The following PRMT8 variants were observed in gnomAD, a reference collection of about 807,000 sequenced individuals.
PRMT8 encodes the protein protein arginine methyltransferase 8.
In PRMT8, 7 loss-of-function variants were observed where a neutral mutation model predicts 47.1. That is an observed-to-expected ratio of 0.15 (90% confidence interval 0.08 to 0.28). The LOEUF is 0.28. PRMT8 is among the 10% of genes least tolerant of loss of function. The probability of loss-of-function intolerance (pLI) is 1.00; values close to 1 mark genes in which losing one functional copy is unlikely to be tolerated. For missense variants in PRMT8, 237 were observed against 505.4 expected, an observed-to-expected ratio of 0.47 and a Z score of 5.09; for synonymous variants, 188 against 186.5, an observed-to-expected ratio of 1.01 and a Z score of -0.07.
chr12:3,535,923 G>T lies in PRMT8; in HGVS notation c.76-4683G>T, dbSNP rs1032747944. 2.6e-5 allele frequency among the ~76,000 whole-genome samples: 4 copies of T among 152,114 alleles called. No individual in the cohort carries two copies. The highest frequency in any genetic ancestry group is 9.7e-5 in the African/African-American group (4 of 41,392). ...CTCTGCTTGCCTGGTGTGGCTTAGG[G>T]AGGAGTTGAGCCTTCTGACTTTACA... On this transcript the variant is annotated intron_variant, in intron 1 of 9. Coordinates refer to ENST00000382622, the MANE Select transcript of PRMT8 (RefSeq NM_019854.5). The surrounding 1 kb of genome is among the most constrained non-coding windows in gnomAD (Gnocchi z 4.7).
chr12:3,547,502 G>T (rs1256211368), intron 2 of PRMT8, among the ~76,000 whole-genome samples: 1 of 152,058 alleles, frequency 6.6e-6, no homozygotes, highest in Non-Finnish European at 1.5e-5. Context: ...ATGGGGCCAG[G>T]CATGGTGGCT....
At chr12:3,473,012 C>T (rs1565416464) in intron 1 of PRMT8, among the ~76,000 whole-genome samples, 1 of 152,168 alleles carries the variant, frequency 6.6e-6, no homozygotes, top group African/African-American at 2.4e-5. Context: ...CCACCTCCAG[C>T]TCTTCCCCAC....
intron 7 of PRMT8, among the ~76,000 whole-genome samples, chr12:3,582,404 C>A (rs1464883140): frequency 6.6e-6 from 1 of 152,184 alleles, no homozygotes; most frequent in Non-Finnish European, 1.5e-5. Context: ...GAAAACAGTC[C>A]AGCCTTGTTA....
chr12:3,408,724 A>G (rs1864397623), intron 1 of PRMT8, among the ~76,000 whole-genome samples: 2 of 152,096 alleles, frequency 1.3e-5, no homozygotes, highest in Non-Finnish European at 2.9e-5. Flanking sequence ...TGGCTTTCAT[A>G]GGGAAAGACT....
At chr12:3,525,937 C>G (rs1242736763) in intron 1 of PRMT8, among the ~76,000 whole-genome samples, 1 of 152,166 alleles carries the variant, frequency 6.6e-6, no homozygotes, top group Non-Finnish European at 1.5e-5. Context: ...TAAGTACATT[C>G]ACATTGCAGT....
At chr12:3,467,649 G>A (rs1440173204) in intron 1 of PRMT8, among the ~76,000 whole-genome samples, 2 of 152,172 alleles carry the variant, frequency 1.3e-5, no homozygotes, top group East Asian at 1.9e-4. Context: ...GGCCCCTGTC[G>A]ACTGTGGACT....
intron 1 of PRMT8, among the ~76,000 whole-genome samples, chr12:3,443,565 A>G (rs1455110189): frequency 1.3e-5 from 2 of 152,176 alleles, no homozygotes; most frequent in East Asian, 1.9e-4. Flanking sequence ...CAAAGCCACC[A>G]TCATTTCCTG....
Position 3,453,685 on chromosome 12 carries a change from C to G in PRMT8, c.48+72243C>G, listed in dbSNP as rs1251889008. ...CACAGCCAGGGCAAATGCTGGGGCG[C>G]AGCCATGCTGGCTGTCTCCTCGTCT... is the stretch of plus-strand genomic sequence containing the variant. On this transcript the variant is annotated intron_variant, in intron 1 of 9. Coordinates refer to the PRMT8 transcript ENST00000452611. The surrounding 1 kb of genome is among the most constrained non-coding windows in gnomAD (Gnocchi z 4.9). 1.3e-5 allele frequency among the ~76,000 whole-genome samples: 2 copies of G among 152,182 alleles called. No individual in the cohort carries two copies. The highest frequency in any genetic ancestry group is 2.4e-5 in the African/African-American group (1 of 41,438).
chr12:3,520,686 C>T (rs998814611), intron 1 of PRMT8, among the ~76,000 whole-genome samples: 42 of 152,272 alleles, frequency 2.8e-4, no homozygotes, highest in African/African-American at 9.9e-4. Context: ...AACAAACAAT[C>T]CTTATGTAAA....
intron 1 of PRMT8, among the ~76,000 whole-genome samples, chr12:3,521,603 G>C (rs755163571): frequency 2.8e-4 from 43 of 152,126 alleles, no homozygotes; most frequent in Non-Finnish European, 3.4e-4. Context: ...AATTACGGGT[G>C]TACGGGAATT....
chr12:3,383,881 T>C (rs1030914597), intron 1 of PRMT8, among the ~76,000 whole-genome samples: 1 of 152,240 alleles, frequency 6.6e-6, no homozygotes, highest in African/African-American at 2.4e-5. Context: ...GTGTTCATGC[T>C]GGTATATGGT....
At chr12:3,410,740 C>T (rs949865937) in intron 1 of PRMT8, among the ~76,000 whole-genome samples, 1 of 152,180 alleles carries the variant, frequency 6.6e-6, no homozygotes, top group Non-Finnish European at 1.5e-5. Context: ...AACTCCTGAC[C>T]TCGTGATCCA....
In PRMT8 at chr12:3,436,247, T is replaced by A. The variant is rs1047407583; in HGVS notation, c.48+54805T>A. ...GTTCGTGTCAGTCCTGGAGAAATAT[T>A]TAGTTTTTCCTGTTGCATAGCTCCG... On this transcript the variant is annotated intron_variant, in intron 1 of 9. Transcript: ENST00000452611. The surrounding 1 kb of genome is among the most constrained non-coding windows in gnomAD (Gnocchi z 4.2). Among the ~76,000 whole-genome samples, 1 of 152,206 alleles carries A rather than the reference T, an allele frequency of 6.6e-6. No homozygotes were observed. The highest frequency in any genetic ancestry group is 6.5e-5 in the Admixed American group (1 of 15,286).
At chr12:3,464,556 T>C (rs1246798768) in intron 1 of PRMT8, among the ~76,000 whole-genome samples, 1 of 152,178 alleles carries the variant, frequency 6.6e-6, no homozygotes, top group Admixed American at 6.5e-5. Flanking sequence ...ATTTATTCAA[T>C]ATTTATTACT....
chr12:3,578,416 G>A (rs1866989541), intron 7 of PRMT8, among the ~76,000 whole-genome samples: 1 of 151,898 alleles, frequency 6.6e-6, no homozygotes, highest in African/African-American at 2.4e-5. Flanking sequence ...TATTAATGGG[G>A]TTTGGCCATG....
intron 1 of PRMT8, among the ~76,000 whole-genome samples, chr12:3,412,708 G>A (rs1207101349): frequency 6.6e-6 from 1 of 152,042 alleles, no homozygotes; most frequent in Non-Finnish European, 1.5e-5. Context: ...ACCTTGAATT[G>A]TAATAATCCC....
At chr12:3,478,750 T>A (rs1039630949) in intron 1 of PRMT8, among the ~76,000 whole-genome samples, 2 of 152,220 alleles carry the variant, frequency 1.3e-5, no homozygotes, top group African/African-American at 4.8e-5. Flanking sequence ...AGGGTCTCTC[T>A]CCAGCTTATC....
In PRMT8 at chr12:3,531,187, A is replaced by G. The variant is rs115477719; in HGVS notation, c.76-9419A>G. 7.3e-3 allele frequency among the ~76,000 whole-genome samples: 1,119 copies of G among 152,296 alleles called. 13 individuals are homozygous for G. The highest frequency in any genetic ancestry group is 0.025 in the African/African-American group (1,036 of 41,560). ...AGGCAAGGTGAGGGTAAGAGAGGAC[A>G]CTGGCTGTGTGTTTCTACACATCTG... On this transcript the variant is annotated intron_variant, in intron 1 of 9. Transcript: ENST00000382622.
At chr12:3,484,154 G>A (rs1865300401) in intron 1 of PRMT8, among the ~76,000 whole-genome samples, 3 of 152,138 alleles carry the variant, frequency 2.0e-5, no homozygotes, top group Admixed American at 2.0e-4. Context: ...GTTTTACAGT[G>A]GGAAGGAGGG....
Sources: gnomAD v4.1 joint callset for allele counts (sites outside exome capture counted in the v4.1 genomes callset) on GRCh38, gnomAD v4.1.1 for gene constraint, Gnocchi (gnomAD v3.1) non-coding constraint, MANE v1.5 for transcripts, NCBI Gene and HGNC (gene_info 2026-07-23, HGNC 2026-07-21) for gene names.